Variants in ZNF330 observed in about 807,000 individuals in gnomAD.
The protein encoded by ZNF330 is zinc finger protein 330.
ZNF330 carries 31 observed loss-of-function variants against 45.5 expected under a neutral mutation model. That is an observed-to-expected ratio of 0.68 (90% CI 0.51 to 0.92). ZNF330 has a LOEUF of 0.92. Among genes scored for constraint, ZNF330 ranks in the 40% least tolerant of loss-of-function variants. The pLI is 0.00. For synonymous variants in ZNF330, 138 were observed against 123.2 expected (o/e 1.12, Z -0.79); for missense variants, 356 against 387.4 (o/e 0.92, Z 0.68).
At chr4:141,221,195 A>T (rs777281497) in intron 1 of ZNF330, 87 bp downstream of exon 1, 1 of 152,710 alleles carries the variant, frequency 6.5e-6, no homozygotes, top group Non-Finnish European at 1.5e-5. Flanking sequence ...TCTCCCCTGG[A>T]CGCCCCTCCG....
chr4:141,225,372 C>G (rs926552847), intron 4 of ZNF330, among the ~76,000 whole-genome samples: 1 of 151,968 alleles, frequency 6.6e-6, no homozygotes, highest in African/African-American at 2.4e-5. Context: ...TTGAGAAATA[C>G]TGCATGCATC....
At chr4:141,229,538 T>C (rs1167794690) in intron 5 of ZNF330, 33 bp from the exon 6 acceptor site, 4 of 1,611,498 alleles carry the variant, frequency 2.5e-6, no homozygotes, top group African/African-American at 2.7e-5. Context: ...GGTCAGGTGA[T>C]AATGATTATG....
intron 7 of ZNF330, 30 bp from the exon 8 acceptor site, chr4:141,231,409 G>A (rs753937100): frequency 3.2e-6 from 5 of 1,571,664 alleles, no homozygotes; most frequent in Admixed American, 2.0e-5. Flanking sequence ...ACCAAATAAC[G>A]GGATTTTAAA....
chr4:141,230,815 C>T (rs777301221), intron 7 of ZNF330, among the ~76,000 whole-genome samples: 10 of 152,074 alleles, frequency 6.6e-5, no homozygotes, highest in African/African-American at 1.2e-4. Context: ...AAAATTCTCA[C>T]GTATTTTCCA....
intron 7 of ZNF330, 130 bp downstream of exon 7, chr4:141,230,400 T>C: frequency 1.8e-6 from 1 of 563,132 alleles, no homozygotes; most frequent in Non-Finnish European, 3.1e-6. Flanking sequence ...CAGTCTTTAT[T>C]TTCTGTTTCT....
chr4:141,224,688 A>G lies in ZNF330; in HGVS notation c.211+11A>G. On this transcript the variant is annotated intron_variant, in intron 4 of 9. Transcript: ENST00000262990. ...TTTGTGCACAGTGTGGTAAGTTTGTAATAATTAAGGACATATGCTTTTTAT... is the reference window on the plus strand; with the variant it reads ...TTTGTGCACAGTGTGGTAAGTTTGTGATAATTAAGGACATATGCTTTTTAT... 1 of 1,610,610 alleles carries G rather than the reference A, an allele frequency of 6.2e-7. No homozygotes were observed. Among genetic ancestry groups the G allele is most frequent in the South Asian group, 1.1e-5 (1 of 90,394 alleles).
intron 5 of ZNF330, among the ~76,000 whole-genome samples, chr4:141,228,429 A>G (rs1728861419): frequency 6.6e-6 from 1 of 152,030 alleles, no homozygotes; most frequent in Non-Finnish European, 1.5e-5. Context: ...GGAGAATAAG[A>G]TCTGGGTGTT....
chr4:141,222,281 A>G lies in ZNF330; in HGVS notation c.-6-85A>G, dbSNP rs1170850700. 3.4e-6 allele frequency: 5 copies of G among 1,470,892 alleles called. No individual in the cohort carries two copies. In the Admixed American group the frequency reaches 1.1e-4, roughly 34 times the overall value. The allele number at this position is 1,470,892 out of a possible 1,614,324, so 91.1% of individuals were successfully genotyped here. On this transcript the variant is annotated intron_variant, in intron 1 of 9. Coordinates refer to ENST00000262990, the MANE Select transcript of ZNF330 (RefSeq NM_014487.6). ...TTTAACATTTAACAAGAAAAAGGACACTTTGTTATACTATTTCTTAGTTTA... is the reference window on the plus strand; with the variant it reads ...TTTAACATTTAACAAGAAAAAGGACGCTTTGTTATACTATTTCTTAGTTTA...
At chr4:141,233,192 C>T (rs1046737125) in intron 9 of ZNF330, among the ~76,000 whole-genome samples, 1 of 152,084 alleles carries the variant, frequency 6.6e-6, no homozygotes, top group African/African-American at 2.4e-5. Flanking sequence ...CCAAACATAT[C>T]AGAATGGAAC....
intron 5 of ZNF330, among the ~76,000 whole-genome samples, 197 bp from the exon 6 acceptor site, chr4:141,229,374 G>A (rs186292615): frequency 0.014 from 2,034 of 150,632 alleles, 43 homozygotes; most frequent in African/African-American, 0.047. Flanking sequence ...GTGGATAGCT[G>A]TTAAGAAGTT....
rs1325401267 is a variant in ZNF330 at position 141,234,084 on chromosome 4, T to C, written c.*95T>C. ...GTTGTTCAAAAGTACCTTAGCCACT[T>C]AGCCTTGTGCAGAAGACTAGTTACA... is the stretch of plus-strand genomic sequence containing the variant. On this transcript the variant is annotated 3_prime_UTR_variant, in exon 10 of 10. Transcript: ENST00000262990. The C allele has an allele frequency of 1.3e-5, 20 of 1,505,956 alleles. No homozygotes were observed. The highest frequency in any genetic ancestry group is 1.8e-5 in the Non-Finnish European group (20 of 1,134,152). The allele number at this position is 1,505,956 out of a possible 1,614,324, so 93.3% of individuals were successfully genotyped here.
chr4:141,225,178 G>T (rs1368397567), intron 4 of ZNF330, among the ~76,000 whole-genome samples: 1 of 151,998 alleles, frequency 6.6e-6, no homozygotes, highest in Non-Finnish European at 1.5e-5. Context: ...TGTATTCCCA[G>T]GTGATTTAAA....
Position 141,224,630 on chromosome 4 carries a change from G to A in ZNF330, c.164G>A (p.Cys55Tyr). 1 of 1,613,496 alleles carries A rather than the reference G, an allele frequency of 6.2e-7. No individual in the cohort carries two copies. Among genetic ancestry groups the A allele is most frequent in the Non-Finnish European group, 8.5e-7 (1 of 1,179,620 alleles). ...CQRRQKNRAF[C>Y]YFCNSVQKLP... Reference sequence around the variant, plus strand: ...AGGCGGCAGAAGAATAGAGCATTTTGCTACTTTTGTAATTCTGTACAGAAG... The same window carrying A: ...AGGCGGCAGAAGAATAGAGCATTTTACTACTTTTGTAATTCTGTACAGAAG... The change falls in exon 4 of 10, where the codon TGC becomes TAC. Residue 55 changes from cysteine to tyrosine, a missense_variant. By Grantham distance (194) the Cys-to-Tyr change is radical. Transcript: ENST00000262990.
chr4:141,221,382 G>A lies in ZNF330; in HGVS notation c.-7+274G>A, dbSNP rs567083678. Among the ~76,000 whole-genome samples, 213 of 151,998 alleles carry A rather than the reference G, an allele frequency of 1.4e-3. 1 individual carries two copies. The highest frequency in any genetic ancestry group is 4.9e-3 in the African/African-American group (203 of 41,500). The stretch of plus-strand genomic sequence containing the variant: ...CTCTTTTGAGCGTGCAGAACAAACT[G>A]GAGGGAAAAAAAAATGAGATTTAAC... On this transcript the variant is annotated intron_variant, in intron 1 of 9. Coordinates refer to ENST00000262990, the MANE Select transcript of ZNF330 (RefSeq NM_014487.6).
intron 4 of ZNF330, among the ~76,000 whole-genome samples, chr4:141,225,636 C>T (rs1728785067): frequency 6.6e-6 from 1 of 151,800 alleles, no homozygotes; most frequent in Non-Finnish European, 1.5e-5. Flanking sequence ...GGGCTATATC[C>T]CTGAATATTT....
chr4:141,227,451 C>T (rs980758837), intron 5 of ZNF330, among the ~76,000 whole-genome samples: 9 of 152,094 alleles, frequency 5.9e-5, no homozygotes, highest in Non-Finnish European at 1.0e-4. Flanking sequence ...ATCCGTGTCT[C>T]TACAAAGGAC....
chr4:141,222,043 T>G (rs1441507450), intron 1 of ZNF330, among the ~76,000 whole-genome samples: 2 of 152,198 alleles, frequency 1.3e-5, no homozygotes, highest in African/African-American at 4.8e-5. Context: ...TCATTTGTTT[T>G]AATGAGGTGC....
At chr4:141,223,865 T>C in intron 2 of ZNF330, 1 of 450,376 alleles carries the variant, frequency 2.2e-6, no homozygotes, top group Admixed American at 2.4e-5. Context: ...GGAGGCACTT[T>C]TCAGGGAAAA....
chr4:141,228,544 C>T (rs1728863518), intron 5 of ZNF330, among the ~76,000 whole-genome samples: 1 of 152,008 alleles, frequency 6.6e-6, no homozygotes, highest in Non-Finnish European at 1.5e-5. Flanking sequence ...TCCTGTTTGT[C>T]CTAAGAACTT....
Sources: gnomAD v4.1 joint callset for allele counts (sites outside exome capture counted in the v4.1 genomes callset) on GRCh38, gnomAD v4.1.1 for gene constraint, MANE v1.5 for transcripts, NCBI Gene and HGNC (gene_info 2026-07-23, HGNC 2026-07-21) for gene names.